The following ARHGEF38 variants were observed in gnomAD, a reference collection of about 807,000 sequenced individuals.
The protein encoded by ARHGEF38 is Rho guanine nucleotide exchange factor 38, also known as Rho guanine nucleotide exchange factor (GEF) 38.
In ARHGEF38, 79 loss-of-function variants were observed where a neutral mutation model predicts 79.9. The observed-to-expected ratio is 0.99, with a 90% CI of 0.82 to 1.19. ARHGEF38 has a LOEUF of 1.19. Among genes scored for constraint, ARHGEF38 ranks in the 50% most tolerant of loss-of-function variants. The pLI is 0.00. For synonymous variants in ARHGEF38, 366 were observed against 328.3 expected, an observed-to-expected ratio of 1.11 and a Z score of -1.24; for missense variants, 962 against 907.2, an observed-to-expected ratio of 1.06 and a Z score of -0.78.
chr4:105,650,575 T>A (rs1730058998), intron 7 of ARHGEF38, among the ~76,000 whole-genome samples: 2 of 152,232 alleles, frequency 1.3e-5, no homozygotes. Context: ...ACTTTCTCTT[T>A]ACTCCTATCT....
At chr4:105,666,395 T>G in intron 11 of ARHGEF38, 75 bp downstream of exon 11, 2 of 1,381,094 alleles carry the variant, frequency 1.4e-6, no homozygotes, top group Non-Finnish European at 1.9e-6. Flanking sequence ...TCATATTATT[T>G]TCCAGATCAC....
Position 105,561,438 on chromosome 4 carries a change from T to TGG in ARHGEF38, c.196+8477_196+8478insGG, listed in dbSNP as rs1725555325. ...TAGAATAGAATGGAATAGAATAGAA[T>TGG]AGAATAGAATGGAATAGAATAGAAT... is the stretch of plus-strand genomic sequence containing the variant. On this transcript the variant is annotated intron_variant, in intron 1 of 13. Coordinates refer to ENST00000420470, the MANE Select transcript of ARHGEF38 (RefSeq NM_001242729.2). Among the ~76,000 whole-genome samples the TGG allele has an allele frequency of 5.7e-3, 385 of 68,022 alleles. 12 individuals carry two copies. Among genetic ancestry groups the TGG allele is most frequent in the African/African-American group, 0.017 (224 of 13,518 alleles). The allele number at this position is 68,022 out of a possible 152,430, so 44.6% of individuals were successfully genotyped here. A position where few individuals can be genotyped will look rare whatever the true frequency, so the allele number is the denominator to read the frequency against.
intron 1 of ARHGEF38, among the ~76,000 whole-genome samples, chr4:105,579,454 G>A (rs199321): frequency 0.83 from 126,965 of 152,186 alleles, 53,313 homozygotes; most frequent in South Asian, 0.93. Flanking sequence ...ATATTGAACC[G>A]TATCAAAAGC....
chr4:105,666,267 AC>A lies in ARHGEF38; in HGVS notation c.1638del (p.Phe547LeufsTer65). Reference sequence around the variant, plus strand: ...GAATTGTGTGAAAGAAAACAGTGCCACCTTTATTGAGAGGAAACTCAGTTTT... The same window carrying A: ...GAATTGTGTGAAAGAAAACAGTGCCACTTTATTGAGAGGAAACTCAGTTTT... ...NLNCVKENSA[T>X]FIERKLSFEK... On this transcript the variant is annotated frameshift_variant, in exon 11 of 14. Coordinates refer to ENST00000420470, the MANE Select transcript of ARHGEF38 (RefSeq NM_001242729.2). LOFTEE classifies it high-confidence loss of function. 1 of 1,535,006 alleles carries A rather than the reference AC, an allele frequency of 6.5e-7. No individual in the cohort carries two copies. The highest frequency in any genetic ancestry group is 1.4e-5 in the African/African-American group (1 of 73,088).
intron 3 of ARHGEF38, among the ~76,000 whole-genome samples, chr4:105,621,988 A>C (rs1728753067): frequency 6.6e-6 from 1 of 152,150 alleles, no homozygotes; most frequent in African/African-American, 2.4e-5. Flanking sequence ...AGGATACACC[A>C]ATCCTCACAA....
At chr4:105,634,985 G>A (rs1319769994) in intron 4 of ARHGEF38, among the ~76,000 whole-genome samples, 3 of 152,076 alleles carry the variant, frequency 2.0e-5, no homozygotes, top group African/African-American at 7.2e-5. Context: ...CTAATGGAGT[G>A]TTCCAAGTAA....
intron 1 of ARHGEF38, among the ~76,000 whole-genome samples, chr4:105,584,570 A>G (rs936082372): frequency 1.3e-5 from 2 of 152,212 alleles, no homozygotes; most frequent in Non-Finnish European, 2.9e-5. Flanking sequence ...GTTTGAACCC[A>G]GGCAGTCTGG....
chr4:105,574,836 G>A (rs1726412237), intron 1 of ARHGEF38, among the ~76,000 whole-genome samples: 1 of 151,016 alleles, frequency 6.6e-6, no homozygotes, highest in Admixed American at 6.6e-5. Context: ...AATAACGTAT[G>A]TTGTATCCAA....
At chr4:105,571,576 G>A (rs529628348) in intron 1 of ARHGEF38, among the ~76,000 whole-genome samples, 197 of 152,260 alleles carry the variant, frequency 1.3e-3, no homozygotes, top group African/African-American at 4.4e-3. Flanking sequence ...GCCCGCCTCA[G>A]CCTCCTAAAG....
At chr4:105,593,825 C>A (rs1425734711) in intron 2 of ARHGEF38, among the ~76,000 whole-genome samples, 3 of 152,106 alleles carry the variant, frequency 2.0e-5, no homozygotes, top group African/African-American at 7.2e-5. Flanking sequence ...AAGCAGTTCT[C>A]AGAATTGGTG....
chr4:105,646,933 A>G (rs560505998), intron 6 of ARHGEF38, among the ~76,000 whole-genome samples: 2 of 152,294 alleles, frequency 1.3e-5, no homozygotes, highest in South Asian at 2.1e-4. Context: ...TATAATTCCA[A>G]ACATCCACAG....
chr4:105,663,104 C>G (rs960768457), intron 10 of ARHGEF38, among the ~76,000 whole-genome samples: 1 of 152,048 alleles, frequency 6.6e-6, no homozygotes, highest in African/African-American at 2.4e-5. Flanking sequence ...CTGTACAACC[C>G]TCACACAGCT....
intron 2 of ARHGEF38, among the ~76,000 whole-genome samples, chr4:105,599,349 AAGTG>A (rs1443509209): frequency 1.3e-5 from 2 of 152,158 alleles, no homozygotes; most frequent in Admixed American, 1.3e-4. Context: ...CTGCTGGACC[AAGTG>A]AGGATAAAAA....
At chr4:105,626,087 ATAT>A (rs1296363161) in intron 3 of ARHGEF38, among the ~76,000 whole-genome samples, 1 of 152,146 alleles carries the variant, frequency 6.6e-6, no homozygotes, top group East Asian at 1.9e-4. Context: ...TTTGTCCAAG[ATAT>A]TATTTTCTTA....
At chr4:105,554,031 A>G (rs903465912) in intron 1 of ARHGEF38, among the ~76,000 whole-genome samples, 3 of 152,128 alleles carry the variant, frequency 2.0e-5, no homozygotes, top group Non-Finnish European at 4.4e-5. Flanking sequence ...AATTATTACT[A>G]TAAGTTAATG....
At chr4:105,590,565 A>G (rs1054379655) in intron 2 of ARHGEF38, among the ~76,000 whole-genome samples, 1 of 152,210 alleles carries the variant, frequency 6.6e-6, no homozygotes, top group African/African-American at 2.4e-5. Flanking sequence ...TGTTACATGT[A>G]TCTTTTTATG....
chr4:105,634,252 G>A (rs1380166143), intron 4 of ARHGEF38, among the ~76,000 whole-genome samples: 2 of 152,060 alleles, frequency 1.3e-5, no homozygotes, highest in Non-Finnish European at 2.9e-5. Flanking sequence ...GAAGCAGGTG[G>A]GTTTTTTCAT....
At chr4:105,621,828 C>G (rs1387381988) in intron 3 of ARHGEF38, among the ~76,000 whole-genome samples, 3 of 152,156 alleles carry the variant, frequency 2.0e-5, no homozygotes, top group Non-Finnish European at 2.9e-5. Flanking sequence ...GGGTCCTAGA[C>G]CTGCATACTT....
intron 5 of ARHGEF38, among the ~76,000 whole-genome samples, chr4:105,636,927 TTGGTTACTAGGAC>T (rs1729420282): frequency 6.6e-6 from 1 of 152,044 alleles, no homozygotes; most frequent in South Asian, 2.1e-4. Flanking sequence ...GGTGAAATAG[TTGGTTACTAGGAC>T]AATATAGAAA....
Sources: allele counts gnomAD v4.1 joint callset (sites outside exome capture counted in the v4.1 genomes callset), GRCh38; gene constraint gnomAD v4.1.1; transcripts MANE v1.5; gene names NCBI Gene and HGNC (gene_info 2026-07-23, HGNC 2026-07-21).